FHIT: variants seen among roughly 807,000 people sequenced by gnomAD.
FHIT encodes bis(5'-adenosyl)-triphosphatase.
FHIT carries 19 observed loss-of-function variants against 17.9 expected under a neutral mutation model. That is an observed-to-expected ratio of 1.06 (90% CI 0.74 to 1.56). The LOEUF (loss-of-function observed/expected upper bound fraction) is 1.56. FHIT is among the 40% of genes most tolerant of loss of function. FHIT has a pLI of 0.00. For missense variants in FHIT, 248 were observed against 189.2 expected, an observed-to-expected ratio of 1.31 and a Z score of -1.82; for synonymous variants, 81 against 69.7, an observed-to-expected ratio of 1.16 and a Z score of -0.81.
chr3:59,956,463 A>T (rs1418811658), intron 7 of FHIT, among the ~76,000 whole-genome samples: 1 of 152,176 alleles, frequency 6.6e-6, no homozygotes, highest in Non-Finnish European at 1.5e-5. Flanking sequence ...AGGTCAAGAG[A>T]TCGAGACCAT....
At chr3:60,776,177 A>C (rs1553724404) in intron 4 of FHIT, among the ~76,000 whole-genome samples, 1 of 152,042 alleles carries the variant, frequency 6.6e-6, no homozygotes, top group Non-Finnish European at 1.5e-5. Flanking sequence ...TGTGGCAAGG[A>C]TTTGTTTAGC....
intron 7 of FHIT, among the ~76,000 whole-genome samples, chr3:59,962,327 T>C (rs1707725057): frequency 6.7e-6 from 1 of 148,156 alleles, no homozygotes; most frequent in South Asian, 2.1e-4. Context: ...TCAGTTTTTT[T>C]CTTCTTAAGA....
At chr3:60,827,479 G>A (rs1477610211) in intron 3 of FHIT, among the ~76,000 whole-genome samples, 1 of 152,190 alleles carries the variant, frequency 6.6e-6, no homozygotes, top group Non-Finnish European at 1.5e-5. Context: ...GGAATATTAT[G>A]AATAAGTTAC....
intron 7 of FHIT, among the ~76,000 whole-genome samples, chr3:59,949,601 T>C (rs969721451): frequency 3.3e-5 from 5 of 152,238 alleles, no homozygotes; most frequent in Admixed American, 6.5e-5. Flanking sequence ...CACACTCAGA[T>C]GTGTTAGTGA....
intron 7 of FHIT, among the ~76,000 whole-genome samples, chr3:59,973,864 T>C (rs1708292959): frequency 6.6e-6 from 1 of 151,948 alleles, no homozygotes; most frequent in Admixed American, 6.6e-5. Flanking sequence ...AAAATACAGG[T>C]ATAATGTTTA....
chr3:60,672,660 A>C (rs2040533212), intron 4 of FHIT, among the ~76,000 whole-genome samples: 1 of 152,222 alleles, frequency 6.6e-6, no homozygotes, highest in Non-Finnish European at 1.5e-5. Flanking sequence ...GACAGTATCC[A>C]TATTGACAAT....
chr3:60,892,456 T>C (rs1400313476), intron 3 of FHIT, among the ~76,000 whole-genome samples: 1 of 152,162 alleles, frequency 6.6e-6, no homozygotes, highest in Non-Finnish European at 1.5e-5. Flanking sequence ...GCTTTACCTC[T>C]GGGTAATTCC....
chr3:60,970,133 C>T (rs1270542840), intron 3 of FHIT, among the ~76,000 whole-genome samples: 2 of 152,152 alleles, frequency 1.3e-5, no homozygotes, highest in African/African-American at 4.8e-5. Flanking sequence ...CGTTTACTGA[C>T]ATTTTGTCTT....
chr3:60,488,675 C>G (rs1284500378), intron 5 of FHIT, among the ~76,000 whole-genome samples: 1 of 152,086 alleles, frequency 6.6e-6, no homozygotes, highest in Admixed American at 6.6e-5. Context: ...CTAAACAGAA[C>G]CTCAGCAGTC....
rs142071707 is a variant in FHIT at position 60,331,129 on chromosome 3, A to G, written c.103+205731T>C. On this transcript the variant is annotated intron_variant, in intron 5 of 9. Coordinates refer to ENST00000492590, the MANE Select transcript of FHIT (RefSeq NM_002012.4). ...TGCCACTTTTCTCCTCACCTACACT[A>G]TGCTCTAGACACTCTGGATTTCATG... Among the ~76,000 whole-genome samples, 586 of 152,218 alleles carry G rather than the reference A, an allele frequency of 3.8e-3. 3 individuals are homozygous for G. Among genetic ancestry groups the G allele is most frequent in the South Asian group, 0.022 (105 of 4,820 alleles).
At chr3:60,501,605 T>A (rs888359926) in intron 5 of FHIT, among the ~76,000 whole-genome samples, 6 of 152,354 alleles carry the variant, frequency 3.9e-5, no homozygotes, top group African/African-American at 1.4e-4. Flanking sequence ...GCTCAACTTT[T>A]GAATTCAGAA....
At chr3:60,507,298 T>C (rs779152168) in intron 5 of FHIT, among the ~76,000 whole-genome samples, 109 of 152,174 alleles carry the variant, frequency 7.2e-4, no homozygotes, top group Non-Finnish European at 1.3e-3. Context: ...GAAACACGAT[T>C]TGGTGGAGGA....
At chr3:60,299,834 T>A (rs151268433) in intron 5 of FHIT, among the ~76,000 whole-genome samples, 5 of 152,070 alleles carry the variant, frequency 3.3e-5, no homozygotes, top group African/African-American at 1.2e-4. Context: ...CTGTTGGAGG[T>A]AGGAGTAGGT....
chr3:61,242,661 C>G (rs1423229673), intron 1 of FHIT, among the ~76,000 whole-genome samples: 1 of 152,166 alleles, frequency 6.6e-6, no homozygotes, highest in Non-Finnish European at 1.5e-5. Context: ...TGAGATCAGT[C>G]TCCCTGGAAC....
At chr3:60,887,577 C>G (rs554429323) in intron 3 of FHIT, among the ~76,000 whole-genome samples, 43 of 152,144 alleles carry the variant, frequency 2.8e-4, no homozygotes, top group African/African-American at 1.0e-3. Context: ...ACCCAGGAGG[C>G]AGAGGTTGCA....
intron 3 of FHIT, among the ~76,000 whole-genome samples, chr3:61,015,696 G>C (rs1260490461): frequency 6.6e-6 from 1 of 152,176 alleles, no homozygotes; most frequent in East Asian, 1.9e-4. Context: ...GAAGGAATGT[G>C]GTTCAATCTC....
At chr3:60,578,271 T>C (rs1304084846) in intron 4 of FHIT, among the ~76,000 whole-genome samples, 1 of 152,014 alleles carries the variant, frequency 6.6e-6, no homozygotes, top group Non-Finnish European at 1.5e-5. Context: ...TCCCTGTCTC[T>C]ACTAAAAATA....
At chr3:60,725,560 A>C (rs1553709258) in intron 4 of FHIT, among the ~76,000 whole-genome samples, 1 of 152,206 alleles carries the variant, frequency 6.6e-6, no homozygotes, top group Admixed American at 6.5e-5. Flanking sequence ...AGTTTCAGGT[A>C]ATTTTTGTCT....
At chr3:60,550,632 CTACT>C (rs2036516052) in intron 4 of FHIT, among the ~76,000 whole-genome samples, 2 of 148,238 alleles carry the variant, frequency 1.3e-5, no homozygotes, top group Non-Finnish European at 3.0e-5. Context: ...TTTTGTAAAC[CTACT>C]TGTTTTACAT....
Sources: allele counts gnomAD v4.1 joint callset (sites outside exome capture counted in the v4.1 genomes callset), GRCh38; gene constraint gnomAD v4.1.1; transcripts MANE v1.5; gene names NCBI Gene and HGNC (gene_info 2026-07-23, HGNC 2026-07-21).